APOLD1: variants seen among roughly 807,000 people sequenced by gnomAD.
The protein encoded by APOLD1 is apolipoprotein L domain containing 1, also known as apolipoprotein L domain-containing protein 1.
Under a neutral mutation model 15.3 loss-of-function variants are expected in APOLD1, and 22 were observed. That is an observed-to-expected ratio of 1.44 (90% CI 1.03 to 2.05). The LOEUF (loss-of-function observed/expected upper bound fraction) is 2.05, where lower values mean the gene tolerates loss of function less well. APOLD1 is among the 30% of genes most tolerant of loss of function. APOLD1 has a pLI of 0.00. For missense variants in APOLD1, 394 were observed against 353.5 expected, an observed-to-expected ratio of 1.11 and a Z score of -0.92; for synonymous variants, 190 against 167.4, an observed-to-expected ratio of 1.13 and a Z score of -1.04.
intron 1 of APOLD1, chr12:12,764,739 C>A (rs369614079): frequency 1.2e-5 from 6 of 495,178 alleles, no homozygotes; most frequent in East Asian, 1.1e-4. Context: ...ACTCATACAC[C>A]TTTATGTGCA....
At chr12:12,772,591 T>C (rs1592305731) in intron 1 of APOLD1, among the ~76,000 whole-genome samples, 1 of 152,070 alleles carries the variant, frequency 6.6e-6, no homozygotes. Context: ...AGGCAGAAAA[T>C]CAGTAGGGCA....
rs1007250816 is a variant in APOLD1, at chr12:12,787,346, C to T, written c.441C>T (p.Cys147=). The T allele has an allele frequency of 1.9e-6, 3 of 1,613,882 alleles. No individual in the cohort carries two copies. The highest frequency in any genetic ancestry group is 1.6e-4 in the Middle Eastern group (1 of 6,062). The change falls in exon 2 of 2, where the codon TGC becomes TGT. Residue 147 remains cysteine, a synonymous_variant. Coordinates refer to ENST00000356591, the MANE Select transcript of APOLD1 (RefSeq NM_030817.3). The surrounding 1 kb of genome is among the most constrained non-coding windows in gnomAD (Gnocchi z 4.9). ...CLEFFCRWQG[C]GDRQLLQCGR... is the part of the protein sequence containing the mutation. ...AGTTTTTCTGCCGCTGGCAGGGCTGCGGGGACCGCCAGCTGCTGCAGTGCG... is the reference window on the plus strand; with the variant it reads ...AGTTTTTCTGCCGCTGGCAGGGCTGTGGGGACCGCCAGCTGCTGCAGTGCG...
At chr12:12,754,774 T>A (rs139741654) in intron 1 of APOLD1, among the ~76,000 whole-genome samples, 5 of 149,682 alleles carry the variant, frequency 3.3e-5, no homozygotes, top group African/African-American at 1.2e-4. Flanking sequence ...ACATGGTGGC[T>A]CACACCTGTA....
intron 1 of APOLD1, among the ~76,000 whole-genome samples, chr12:12,779,766 C>T (rs1947064975): frequency 6.6e-6 from 1 of 152,150 alleles, no homozygotes; most frequent in Non-Finnish European, 1.5e-5. Context: ...ACTATGTCAA[C>T]ATAGACAAGT....
intron 1 of APOLD1, among the ~76,000 whole-genome samples, chr12:12,759,727 C>A (rs1946882926): frequency 6.6e-6 from 1 of 152,200 alleles, no homozygotes; most frequent in South Asian, 2.1e-4. Context: ...TCCAGTTACC[C>A]TGTTGGGAGT....
Position 12,740,217 on chromosome 12 carries a change from G to A in APOLD1, c.96+14121G>A, listed in dbSNP as rs1340688178. On this transcript the variant is annotated intron_variant, in intron 1 of 1. Transcript: ENST00000326765. Reference sequence around the variant, plus strand: ...AGGATGGTCTTGATCTCCTGACCTCGTGATCCGCCTGCCTCAGCCTCCCAA... The same window carrying A: ...AGGATGGTCTTGATCTCCTGACCTCATGATCCGCCTGCCTCAGCCTCCCAA... Among the ~76,000 whole-genome samples the A allele has an allele frequency of 3.7e-4, 57 of 152,038 alleles. 1 individual carries two copies. The highest frequency in any genetic ancestry group is 7.3e-5 in the African/African-American group (3 of 41,378).
chr12:12,787,439 C>A lies in APOLD1; in HGVS notation c.534C>A (p.Phe178Leu). The change falls in exon 2 of 2, where the codon TTC becomes TTA. Residue 178 changes from phenylalanine (F) to leucine (L), a missense_variant. Coordinates refer to ENST00000356591, the MANE Select transcript of APOLD1 (RefSeq NM_030817.3). This position sits in a 1 kb window ranked among gnomAD's most constrained non-coding sequence, Gnocchi z 4.9. ...YFIVFFGSRG[F>L]LIPRRAEGDT... The stretch of plus-strand genomic sequence containing the variant: ...TCGTCTTCTTTGGCTCACGTGGCTT[C>A]CTCATCCCCAGGCGGGCGGAGGGGG... The A allele has an allele frequency of 6.2e-7, 1 of 1,614,220 alleles. No homozygotes were observed. The highest frequency in any genetic ancestry group is 8.5e-7 in the Non-Finnish European group (1 of 1,180,042).
At chr12:12,729,995 T>C (rs1946623800) in intron 1 of APOLD1, among the ~76,000 whole-genome samples, 1 of 150,874 alleles carries the variant, frequency 6.6e-6, no homozygotes, top group South Asian at 2.1e-4. Flanking sequence ...TAGCTAGGGC[T>C]GTAGGTGCAC....
chr12:12,728,696 GAGAA>G (rs1305211766), intron 1 of APOLD1, among the ~76,000 whole-genome samples: 4 of 136,074 alleles, frequency 2.9e-5, no homozygotes, highest in Admixed American at 1.5e-4. Context: ...AAAAAAGAGA[GAGAA>G]AGAAAAGAAA....
intron 1 of APOLD1, among the ~76,000 whole-genome samples, chr12:12,778,567 A>ATCC (rs1371094316): frequency 6.7e-6 from 1 of 150,298 alleles, no homozygotes; most frequent in Non-Finnish European, 1.5e-5. Context: ...GGCTCAAGCA[A>ATCC]TCCTCCTGCC....
At chr12:12,777,418 T>C (rs1205017457) in intron 1 of APOLD1, among the ~76,000 whole-genome samples, 2 of 152,200 alleles carry the variant, frequency 1.3e-5, no homozygotes, top group Non-Finnish European at 2.9e-5. Flanking sequence ...TAGAACTCCA[T>C]GGTCCTTTCC....
intron 1 of APOLD1, among the ~76,000 whole-genome samples, chr12:12,768,949 T>G (rs1251875758): frequency 1.3e-5 from 2 of 152,018 alleles, no homozygotes; most frequent in East Asian, 3.9e-4. Context: ...TACTCCTGGC[T>G]GGGCACCGTA....
intron 1 of APOLD1, among the ~76,000 whole-genome samples, chr12:12,737,730 T>TG (rs1946700152): frequency 6.6e-6 from 1 of 152,160 alleles, no homozygotes; most frequent in South Asian, 2.1e-4. Context: ...GGATCCAAGC[T>TG]GGGGGGCCCA....
chr12:12,778,998 C>T (rs912684086), intron 1 of APOLD1, among the ~76,000 whole-genome samples: 3 of 152,160 alleles, frequency 2.0e-5, no homozygotes, highest in African/African-American at 7.2e-5. Context: ...CTACCTACCC[C>T]TTAAGCCTCA....
chr12:12,745,238 T>C (rs1466868159), intron 1 of APOLD1, among the ~76,000 whole-genome samples: 2 of 152,112 alleles, frequency 1.3e-5, no homozygotes, highest in Non-Finnish European at 2.9e-5. Context: ...AAAGAGAATT[T>C]TACAAGGAGA....
At position 12,786,943 on chromosome 12, in the gene APOLD1, G is replaced by C. The variant is rs765222554; in HGVS notation, c.38G>C (p.Gly13Ala). 1.2e-5 allele frequency: 18 copies of C among 1,459,626 alleles called. No homozygotes were observed. The highest frequency in any genetic ancestry group is 7.4e-5 in the African/African-American group (5 of 67,634). 90.4% of individuals were successfully genotyped at this position (1,459,626 alleles called of 1,614,324 possible). The part of the protein sequence containing the change: ...MERPAAREPH[G>A]PDALRRFQGL... ...AGGCCGGCGGCCCGGGAGCCGCATG[G>C]GCCCGACGCGCTGCGGCGCTTCCAG... The change falls in exon 2 of 2, where the codon GGG becomes GCG. Residue 13 changes from glycine to alanine, a missense_variant. Gly to Ala is a moderately conservative substitution (Grantham distance 60). Transcript: ENST00000356591.
chr12:12,726,064 T>C, exon 1 of APOLD1: 6 of 1,515,446 alleles, frequency 4.0e-6, no homozygotes, highest in Non-Finnish European at 5.3e-6. Flanking sequence ...GGCAGGAGCC[T>C]GGCGAGGATG....
intron 1 of APOLD1, among the ~76,000 whole-genome samples, chr12:12,741,296 T>C (rs2136373465): frequency 1.3e-5 from 2 of 152,344 alleles, no homozygotes; most frequent in Middle Eastern, 3.4e-3. Flanking sequence ...AGTCTCAAAC[T>C]CCTGGGCTCA....
chr12:12,785,759 A>C, intron 1 of APOLD1, 65 bp downstream of exon 1: 1 of 1,488,958 alleles, frequency 6.7e-7, no homozygotes, highest in Non-Finnish European at 9.4e-7. Context: ...TTTCACCTGG[A>C]AAATTATCCC....
Sources: allele counts gnomAD v4.1 joint callset (sites outside exome capture counted in the v4.1 genomes callset), GRCh38; gene constraint gnomAD v4.1.1; non-coding constraint Gnocchi (gnomAD v3.1); transcripts MANE v1.5; gene names NCBI Gene and HGNC (gene_info 2026-07-23, HGNC 2026-07-21).